The following DHCR24 variants were observed in gnomAD, a reference collection of about 807,000 sequenced individuals.
The protein encoded by DHCR24 is delta(24)-sterol reductase.
DHCR24 carries 28 observed loss-of-function variants against 61.2 expected under a neutral mutation model. The observed-to-expected ratio is 0.46, with a 90% confidence interval of 0.34 to 0.63. The LOEUF (loss-of-function observed/expected upper bound fraction) is 0.63, where lower values mean the gene tolerates loss of function less well. Among genes scored for constraint, DHCR24 ranks in the 20% least tolerant of loss-of-function variants. The pLI, the probability that DHCR24 is intolerant of heterozygous loss-of-function variation, is 0.01. For synonymous variants in DHCR24, 261 were observed against 275.9 expected, an observed-to-expected ratio of 0.95 and a Z score of 0.54; for missense variants, 538 against 679.1, an observed-to-expected ratio of 0.79 and a Z score of 2.31.
In DHCR24 at chr1:54,851,812, C is replaced by G. The variant is rs1023108786; in HGVS notation, c.*421G>C. 1 of 216,374 alleles carries G rather than the reference C, an allele frequency of 4.6e-6. No individual in the cohort carries two copies. The highest frequency in any genetic ancestry group is 9.3e-6 in the Non-Finnish European group (1 of 107,020). 13.4% of individuals were successfully genotyped at this position (216,374 alleles called of 1,614,324 possible). On this transcript the variant is annotated 3_prime_UTR_variant, in exon 9 of 9. Transcript: ENST00000371269. Reference sequence around the variant, plus strand: ...CAGGTGACCTAATGTGGAGCCTTTTCAGGCTCCACTGCAGATGTGACGCTG... The same window carrying G: ...CAGGTGACCTAATGTGGAGCCTTTTGAGGCTCCACTGCAGATGTGACGCTG...
chr1:54,859,284 C>T (rs1208975753), intron 6 of DHCR24, among the ~76,000 whole-genome samples: 3 of 150,624 alleles, frequency 2.0e-5, no homozygotes, highest in Non-Finnish European at 4.4e-5. Context: ...TGCCATAGCC[C>T]ACAGCATGAG....
At chr1:54,867,456 G>A (rs1646973609) in intron 5 of DHCR24, among the ~76,000 whole-genome samples, 1 of 152,144 alleles carries the variant, frequency 6.6e-6, no homozygotes, top group Non-Finnish European at 1.5e-5. Context: ...CTCTGCTGCT[G>A]ATTCTGGGAG....
At chr1:54,884,488 A>G (rs1482336241) in intron 1 of DHCR24, among the ~76,000 whole-genome samples, 1 of 152,236 alleles carries the variant, frequency 6.6e-6, no homozygotes, top group Non-Finnish European at 1.5e-5. Flanking sequence ...CTCTAAGGTA[A>G]GTGACCAGAG....
intron 6 of DHCR24, among the ~76,000 whole-genome samples, chr1:54,863,921 T>C (rs1405851263): frequency 1.3e-5 from 2 of 152,116 alleles, no homozygotes; most frequent in African/African-American, 2.4e-5. Flanking sequence ...AAAGAAGATA[T>C]ACAAAACGGT....
rs190352250 is a variant in DHCR24, at chr1:54,878,475, C to G, written c.388-2428G>C. On this transcript the variant is annotated intron_variant, in intron 2 of 8. Transcript: ENST00000371269. ...GTTGCAGTGACCCGAGATTGCACCA[C>G]TGTACTCCAGCCTGGGCAACAAGAG... Among the ~76,000 whole-genome samples, 152 of 142,662 alleles carry G rather than the reference C, an allele frequency of 1.1e-3. 1 individual carries two copies. Among genetic ancestry groups the G allele is most frequent in the African/African-American group, 3.8e-3 (143 of 37,868 alleles). The allele number at this position is 142,662 out of a possible 152,430, so 93.6% of individuals were successfully genotyped here. A position where few individuals can be genotyped will look rare whatever the true frequency, so the allele number is the denominator to read the frequency against.
Position 54,883,197 on chromosome 1 carries a change from A to G in DHCR24, c.387+421T>C, listed in dbSNP as rs890449645. On this transcript the variant is annotated intron_variant, in intron 2 of 8. Transcript: ENST00000371269. This position sits in a 1 kb window ranked among gnomAD's most constrained non-coding sequence, Gnocchi z 4.3. The stretch of plus-strand genomic sequence containing the variant: ...TCCTTAAGCCAGGTTTCGAGAAGTA[A>G]AATTACTAGATGGGCCAAAAAGTAT... Among the ~76,000 whole-genome samples, 14 of 152,140 alleles carry G rather than the reference A, an allele frequency of 9.2e-5. No individual in the cohort carries two copies. Among genetic ancestry groups the G allele is most frequent in the African/African-American group, 3.1e-4 (13 of 41,436 alleles).
At chr1:54,869,382 A>G (rs1002527564) in intron 5 of DHCR24, among the ~76,000 whole-genome samples, 7 of 152,214 alleles carry the variant, frequency 4.6e-5, no homozygotes, top group East Asian at 3.9e-4. Context: ...TTTGTGTAAC[A>G]AAGTCCATTT....
intron 6 of DHCR24, among the ~76,000 whole-genome samples, chr1:54,864,643 T>C (rs1490720150): frequency 6.6e-6 from 1 of 151,766 alleles, no homozygotes; most frequent in African/African-American, 2.4e-5. Context: ...TGTACTAAAC[T>C]ACCCTGAACT....
chr1:54,864,687 C>A (rs1409357304), intron 6 of DHCR24, among the ~76,000 whole-genome samples: 3 of 152,126 alleles, frequency 2.0e-5, no homozygotes, highest in African/African-American at 7.2e-5. Flanking sequence ...CCTGTTAGCC[C>A]AGCTCAAGCC....
In DHCR24 at chr1:54,869,704, C is replaced by T. The variant is rs540068926; in HGVS notation, c.876+1646G>A. 2.6e-5 allele frequency among the ~76,000 whole-genome samples: 4 copies of T among 152,120 alleles called. No homozygotes were observed. In the South Asian group the frequency reaches 8.3e-4, roughly 32 times the overall value. ...ACTGCTTGAGGCCAGGAGTTCAAGA[C>T]TAGCCTTGGCAACATAGCAAGACCC... On this transcript the variant is annotated intron_variant, in intron 5 of 8. Coordinates refer to ENST00000371269, the MANE Select transcript of DHCR24 (RefSeq NM_014762.4).
intron 4 of DHCR24, among the ~76,000 whole-genome samples, chr1:54,873,641 GC>G (rs1302101026): frequency 1.3e-5 from 2 of 152,164 alleles, no homozygotes; most frequent in Admixed American, 6.5e-5. Flanking sequence ...AAACTAACAT[GC>G]GTTTATGTCT....
At chr1:54,867,086 C>G (rs967310708) in intron 5 of DHCR24, among the ~76,000 whole-genome samples, 1 of 152,174 alleles carries the variant, frequency 6.6e-6, no homozygotes, top group Non-Finnish European at 1.5e-5. Flanking sequence ...GGGAAAGAAC[C>G]CAGATAGTCT....
At chr1:54,858,159 G>A (rs1297026996) in intron 6 of DHCR24, among the ~76,000 whole-genome samples, 2 of 152,238 alleles carry the variant, frequency 1.3e-5, no homozygotes, top group Non-Finnish European at 2.9e-5. Flanking sequence ...CTCCAGGGAG[G>A]CACCCGTTCC....
intron 3 of DHCR24, 68 bp downstream of exon 3, chr1:54,875,874 G>T: frequency 1.5e-6 from 2 of 1,312,574 alleles, no homozygotes; most frequent in Non-Finnish European, 2.2e-6. Flanking sequence ...ATGGAGGGTG[G>T]CCAAGGCCCA....
intron 7 of DHCR24, 128 bp downstream of exon 7, chr1:54,853,909 C>T (rs1646892222): frequency 1.0e-6 from 1 of 976,646 alleles, no homozygotes; most frequent in Non-Finnish European, 1.6e-6. Flanking sequence ...GGGACAAGGA[C>T]CTCATCTTAA....
intron 1 of DHCR24, 53 bp downstream of exon 1, chr1:54,886,836 C>A (rs1647101291): frequency 1.3e-6 from 2 of 1,592,966 alleles, no homozygotes; most frequent in Non-Finnish European, 1.7e-6. Context: ...TCCCGCTATC[C>A]CCGCGCACGC....
At position 54,887,091 on chromosome 1, in the gene DHCR24, C is replaced by T; in HGVS notation, c.29G>A (p.Cys10Tyr). Reference sequence around the variant, plus strand: ...CACCCACAGCAGGAAGAGCAGCGCGCACACGGCCAGCGACACGGCGGGCTC... The same window carrying T: ...CACCCACAGCAGGAAGAGCAGCGCGTACACGGCCAGCGACACGGCGGGCTC... MEPAVSLAV[C>Y]ALLFLLWVRL... The change falls in exon 1 of 9, where the codon TGC becomes TAC. Residue 10 changes from cysteine to tyrosine, a missense_variant. Coordinates refer to ENST00000371269, the MANE Select transcript of DHCR24 (RefSeq NM_014762.4). The T allele has an allele frequency of 1.2e-6, 2 of 1,601,682 alleles. No homozygotes were observed. The highest frequency in any genetic ancestry group is 1.7e-6 in the Non-Finnish European group (2 of 1,174,574).
chr1:54,871,925 C>T (rs540559795), intron 4 of DHCR24, among the ~76,000 whole-genome samples: 7 of 152,292 alleles, frequency 4.6e-5, no homozygotes, highest in East Asian at 1.9e-4. Context: ...TGCTGCCCAA[C>T]GACCCACAAT....
At chr1:54,866,981 GC>G (rs1156880561) in intron 5 of DHCR24, among the ~76,000 whole-genome samples, 2 of 152,246 alleles carry the variant, frequency 1.3e-5, no homozygotes, top group East Asian at 3.9e-4. Context: ...AGTGGCAGCA[GC>G]TGCATAATGA....
Sources: gnomAD v4.1 joint callset for allele counts (sites outside exome capture counted in the v4.1 genomes callset) on GRCh38, gnomAD v4.1.1 for gene constraint, Gnocchi (gnomAD v3.1) non-coding constraint, MANE v1.5 for transcripts, NCBI Gene and HGNC (gene_info 2026-07-23, HGNC 2026-07-21) for gene names.